DLGAP2: variants seen among roughly 807,000 people sequenced by gnomAD.
DLGAP2 encodes the protein disks large-associated protein 2.
DLGAP2 carries 26 observed loss-of-function variants against 100.3 expected under a neutral mutation model. That is an observed-to-expected ratio of 0.26 (90% CI 0.19 to 0.36). The LOEUF is 0.36. Among genes scored for constraint, DLGAP2 ranks in the 10% least tolerant of loss-of-function variants. The probability of loss-of-function intolerance (pLI) is 1.00; values close to 1 mark genes in which losing one functional copy is unlikely to be tolerated. For missense variants in DLGAP2, 1,858 were observed against 1,453.2 expected (o/e 1.28, Z -4.53); for synonymous variants, 886 against 630.1 (o/e 1.41, Z -6.08).
chr8:1,512,418 G>A (rs919482944), intron 4 of DLGAP2, among the ~76,000 whole-genome samples: 4 of 152,142 alleles, frequency 2.6e-5, no homozygotes, highest in African/African-American at 7.2e-5. Flanking sequence ...GCATAGGGAC[G>A]GGGCCAGCGT....
At chr8:1,092,067 C>T (rs1804202406) in intron 2 of DLGAP2, among the ~76,000 whole-genome samples, 1 of 152,154 alleles carries the variant, frequency 6.6e-6, no homozygotes, top group Non-Finnish European at 1.5e-5. Flanking sequence ...CGTGCAGCCT[C>T]TCCTGCGTGT....
chr8:985,506 C>T (rs756045279), intron 2 of DLGAP2, among the ~76,000 whole-genome samples: 3 of 152,186 alleles, frequency 2.0e-5, no homozygotes, highest in Admixed American at 6.5e-5. Context: ...TGGTCTTTCA[C>T]CAGTTGCTTA....
intron 3 of DLGAP2, among the ~76,000 whole-genome samples, chr8:1,372,400 G>A (rs953739139): frequency 6.6e-6 from 1 of 152,174 alleles, no homozygotes; most frequent in Admixed American, 6.5e-5. Flanking sequence ...AGCAGACACC[G>A]TCTTGCCCTC....
chr8:1,161,530 T>G (rs1350704319), intron 2 of DLGAP2, among the ~76,000 whole-genome samples: 3 of 152,094 alleles, frequency 2.0e-5, no homozygotes, highest in African/African-American at 7.2e-5. Flanking sequence ...GGAGAAGACC[T>G]CCTAGCAGAC....
At chr8:751,825 C>T (rs113982507) in intron 1 of DLGAP2, among the ~76,000 whole-genome samples, 10 of 151,756 alleles carry the variant, frequency 6.6e-5, no homozygotes, top group African/African-American at 9.7e-5. Context: ...GTTCATCTGA[C>T]ACTTCATAGT....
chr8:1,000,020 C>G (rs536510890), intron 2 of DLGAP2, among the ~76,000 whole-genome samples: 1 of 138,830 alleles, frequency 7.2e-6, no homozygotes, highest in Non-Finnish European at 1.6e-5. Flanking sequence ...GCAGACAGAT[C>G]CGGGTGGAGG....
chr8:1,595,297 A>G (rs1321450728), intron 6 of DLGAP2, among the ~76,000 whole-genome samples: 1 of 152,072 alleles, frequency 6.6e-6, no homozygotes, highest in Non-Finnish European at 1.5e-5. Flanking sequence ...TTATTGACAA[A>G]TAACATAAAT....
chr8:1,030,898 C>A (rs373294187), intron 2 of DLGAP2, among the ~76,000 whole-genome samples: 21 of 152,328 alleles, frequency 1.4e-4, no homozygotes, highest in African/African-American at 4.6e-4. Context: ...ACCAGACCCC[C>A]GAGGTCAGTT....
At chr8:1,053,681 G>T (rs1367332891) in intron 2 of DLGAP2, among the ~76,000 whole-genome samples, 1 of 152,206 alleles carries the variant, frequency 6.6e-6, no homozygotes, top group African/African-American at 2.4e-5. Flanking sequence ...AAAGGACCCA[G>T]TCTTTCTGCC....
intron 5 of DLGAP2, among the ~76,000 whole-genome samples, chr8:1,557,226 G>C (rs541254754): frequency 1.3e-5 from 2 of 152,158 alleles, no homozygotes; most frequent in Non-Finnish European, 2.9e-5. Context: ...GTCATCCAAA[G>C]AGCGTGAGCT....
intron 2 of DLGAP2, among the ~76,000 whole-genome samples, chr8:1,047,854 C>T (rs1802558601): frequency 2.0e-5 from 3 of 152,274 alleles, no homozygotes; most frequent in South Asian, 2.1e-4. Flanking sequence ...CAGAAACATT[C>T]AATCTATCGC....
chr8:1,592,117 T>A (rs1178352515), intron 6 of DLGAP2, among the ~76,000 whole-genome samples: 1 of 152,170 alleles, frequency 6.6e-6, no homozygotes, highest in Non-Finnish European at 1.5e-5. Flanking sequence ...CTGCGATGGG[T>A]GCAGAGCAAG....
At chr8:1,626,976 C>T in intron 7 of DLGAP2, 89 bp downstream of exon 7, 5 of 1,465,400 alleles carry the variant, frequency 3.4e-6, no homozygotes, top group Non-Finnish European at 4.6e-6. Context: ...GGCGATGGCG[C>T]TGCCCTCCTG....
chr8:905,236 A>G (rs1247171316), intron 1 of DLGAP2, among the ~76,000 whole-genome samples: 2 of 152,130 alleles, frequency 1.3e-5, no homozygotes, highest in Admixed American at 6.5e-5. Context: ...TTGTGGGACC[A>G]TCCGACGAGA....
chr8:847,507 T>G (rs1797092981), intron 1 of DLGAP2, among the ~76,000 whole-genome samples: 1 of 152,096 alleles, frequency 6.6e-6, no homozygotes, highest in South Asian at 2.1e-4. Context: ...CTTTTTTCTT[T>G]TCTTTTTTTT....
At chr8:1,624,758 G>A (rs929716359) in intron 6 of DLGAP2, among the ~76,000 whole-genome samples, 6 of 151,950 alleles carry the variant, frequency 3.9e-5, no homozygotes, top group African/African-American at 1.2e-4. Flanking sequence ...CAGGTGCAGC[G>A]GGAGTCGGCG....
At chr8:1,583,178 G>T (rs945168485) in intron 6 of DLGAP2, among the ~76,000 whole-genome samples, 1 of 152,182 alleles carries the variant, frequency 6.6e-6, no homozygotes, top group Non-Finnish European at 1.5e-5. Flanking sequence ...TGACACTTCC[G>T]TTTTGGGATA....
chr8:738,331 C>A (rs1410366342), intron 1 of DLGAP2, among the ~76,000 whole-genome samples: 3 of 143,108 alleles, frequency 2.1e-5, no homozygotes, highest in Non-Finnish European at 4.6e-5. Flanking sequence ...GCTGCGCGCA[C>A]GGGGGCTCGC....
intron 2 of DLGAP2, among the ~76,000 whole-genome samples, chr8:990,179 A>G (rs558871568): frequency 6.6e-6 from 1 of 152,106 alleles, no homozygotes; most frequent in East Asian, 1.9e-4. Context: ...TTAGTGGTCC[A>G]TTCTTTTTGT....
Sources: gnomAD v4.1 joint callset for allele counts (sites outside exome capture counted in the v4.1 genomes callset) on GRCh38, gnomAD v4.1.1 for gene constraint, MANE v1.5 for transcripts, NCBI Gene and HGNC (gene_info 2026-07-23, HGNC 2026-07-21) for gene names.